The following GOSR2 variants were observed in gnomAD, a reference collection of about 807,000 sequenced individuals.
GOSR2 encodes golgi SNAP receptor complex member 2, also known as 27 kDa Golgi SNARE protein.
GOSR2 carries 20 observed loss-of-function variants against 27.9 expected under a neutral mutation model. That is an observed-to-expected ratio of 0.72 (90% confidence interval 0.50 to 1.04). The LOEUF (loss-of-function observed/expected upper bound fraction) is 1.04, where lower values mean the gene tolerates loss of function less well. Among genes scored for constraint, GOSR2 ranks in the 50% least tolerant of loss-of-function variants. GOSR2 has a pLI of 0.00. For missense variants in GOSR2, 261 were observed against 270.5 expected (o/e 0.97, Z 0.25); for synonymous variants, 91 against 98.8 (o/e 0.92, Z 0.47).
Position 46,941,154 on chromosome 17 carries a change from A to G in GOSR2, c.*2394A>G, listed in dbSNP as rs2089224887. Reference sequence around the variant, plus strand: ...AACTTGAGATCTCTTTATTACATGGACATTTACTTCAGGGGGACCACTGTA... The same window carrying G: ...AACTTGAGATCTCTTTATTACATGGGCATTTACTTCAGGGGGACCACTGTA... On this transcript the variant is annotated 3_prime_UTR_variant, in exon 6 of 6. Coordinates refer to ENST00000640051, the MANE Select transcript of GOSR2 (RefSeq NM_004287.5). 9.9e-7 allele frequency: 1 copy of G among 1,009,656 alleles called. No individual in the cohort carries two copies. The highest frequency in any genetic ancestry group is 1.2e-6 in the Non-Finnish European group (1 of 842,696). 62.5% of individuals were successfully genotyped at this position (1,009,656 alleles called of 1,614,324 possible).
chr17:46,933,037 T>C (rs2087645004), intron 4 of GOSR2: 4 of 152,302 alleles, frequency 2.6e-5, no homozygotes, highest in Admixed American at 2.6e-4. Context: ...TGTGCCAACA[T>C]AGTTTTTGCT....
In GOSR2 at chr17:46,941,113, G is replaced by A; in HGVS notation, c.*2353G>A. The A allele has an allele frequency of 2.0e-6, 2 of 1,022,244 alleles. No individual in the cohort carries two copies. The highest frequency in any genetic ancestry group is 1.2e-6 in the Non-Finnish European group (1 of 850,632). The allele number at this position is 1,022,244 out of a possible 1,614,324, so 63.3% of individuals were successfully genotyped here. A position where few individuals can be genotyped will look rare whatever the true frequency, so the allele number is the denominator to read the frequency against. On this transcript the variant is annotated 3_prime_UTR_variant, in exon 6 of 6. Transcript: ENST00000640051. ...GTGTGCCTATTGTGATTTAAAACAG[G>A]TGGGTTATCAAGAGGAACTTGAGAT...
intron 6 of GOSR2, among the ~76,000 whole-genome samples, chr17:46,957,864 C>T (rs2090820362): frequency 6.6e-6 from 1 of 152,152 alleles, no homozygotes; most frequent in Admixed American, 6.5e-5. Context: ...GGAGGATGAG[C>T]ACTCAGGGGA....
chr17:46,936,980 AG>A (rs996328195), intron 5 of GOSR2: 23 of 225,854 alleles, frequency 1.0e-4, no homozygotes, highest in African/African-American at 4.8e-4. Context: ...AAAAAAAAAA[AG>A]GATATGGGGC....
chr17:46,938,704 G>T lies in GOSR2; in HGVS notation c.583G>T (p.Gly195Cys). ...RAFQDKYFMIGGMLLTCVVMF... is the reference protein window; with the variant it reads ...RAFQDKYFMICGMLLTCVVMF... Reference sequence around the variant, plus strand: ...TTTCCAGGACAAGTACTTTATGATAGGTGGGATGCTGCTGACCTGTGTGGT... The same window carrying T: ...TTTCCAGGACAAGTACTTTATGATATGTGGGATGCTGCTGACCTGTGTGGT... The change falls in exon 6 of 6, where the codon GGT becomes TGT. Residue 195 changes from glycine (G) to cysteine (C), a missense_variant. Physicochemically the swap from Gly to Cys is radical, Grantham distance 159. Coordinates refer to ENST00000640051, the MANE Select transcript of GOSR2 (RefSeq NM_004287.5). 1 of 1,613,872 alleles carries T rather than the reference G, an allele frequency of 6.2e-7. No individual in the cohort carries two copies. The highest frequency in any genetic ancestry group is 1.1e-5 in the South Asian group (1 of 91,056).
downstream of GOSR2, among the ~76,000 whole-genome samples, chr17:46,942,439 C>A (rs548392356): frequency 3.9e-5 from 6 of 152,294 alleles, no homozygotes; most frequent in East Asian, 1.2e-3. Flanking sequence ...CACAGGAGTC[C>A]GAGAGGAGCT....
At chr17:46,957,121 T>C (rs1424550300) in intron 6 of GOSR2, among the ~76,000 whole-genome samples, 2 of 151,920 alleles carry the variant, frequency 1.3e-5, no homozygotes, top group Admixed American at 6.6e-5. Flanking sequence ...CCATCCTGGG[T>C]GACATGGTGA....
chr17:46,947,756 C>T (rs975622913), intron 6 of GOSR2, among the ~76,000 whole-genome samples: 2 of 152,262 alleles, frequency 1.3e-5, no homozygotes, highest in East Asian at 1.9e-4. Context: ...AGAGCTTGTC[C>T]GTCACTAGAA....
At chr17:46,965,026 T>A (rs983708338) in intron 6 of GOSR2, 1 of 151,908 alleles carries the variant, frequency 6.6e-6, no homozygotes, top group Non-Finnish European at 1.5e-5. Context: ...TTCACTGGAG[T>A]TTTTCACCCT....
At chr17:46,931,437 G>T in intron 3 of GOSR2, 1 of 556,528 alleles carries the variant, frequency 1.8e-6, no homozygotes, top group Non-Finnish European at 3.2e-6. Flanking sequence ...TTACCTCTTT[G>T]GTGTCATTTT....
chr17:46,963,543 CA>C (rs34316777), intron 6 of GOSR2, among the ~76,000 whole-genome samples: 50,959 of 137,336 alleles, frequency 0.37, 8,619 homozygotes, highest in East Asian at 0.52. Context: ...GGCTCGGTCT[CA>C]AAAAAAAAAA....
rs773543394 is a variant in GOSR2 at position 46,929,567 on chromosome 17, A to G, written c.77A>G (p.Asp26Gly). 2.6e-6 allele frequency: 4 copies of G among 1,539,108 alleles called. No individual in the cohort carries two copies. In the East Asian group the frequency reaches 9.0e-5, roughly 35 times the overall value. The change falls in exon 2 of 6, where the codon GAC (aspartate) becomes GGC (glycine). Residue 26 changes from aspartate (D) to glycine (G), a missense_variant. Transcript: ENST00000640051. ...TGCATGGGACGCCTGGAGACGGCAG[A>G]CAAGCAGTCTGTGCACAGTGAGTAA... is the stretch of plus-strand genomic sequence containing the variant. ...QSCMGRLETA[D>G]KQSVHIVENE...
At chr17:46,971,025 T>C (rs577848287), downstream of GOSR2, among the ~76,000 whole-genome samples, 11 of 152,338 alleles carry the variant, frequency 7.2e-5, no homozygotes, top group East Asian at 2.1e-3. Flanking sequence ...TTCTTTTTTT[T>C]GTTGCTATAA....
At chr17:46,936,354 C>T in intron 5 of GOSR2, 8 of 985,376 alleles carry the variant, frequency 8.1e-6, no homozygotes, top group Non-Finnish European at 9.6e-6. Context: ...ATGCTAACTT[C>T]CCACTCAAGT....
intron 1 of GOSR2, chr17:46,923,971 T>C (rs1250993618): frequency 1.3e-5 from 5 of 397,898 alleles, no homozygotes; most frequent in East Asian, 3.6e-5. Flanking sequence ...TTTTATTTTT[T>C]ATTGTAAAAT....
intron 6 of GOSR2, chr17:46,949,013 A>T (rs906764115): frequency 1.3e-5 from 2 of 152,216 alleles, no homozygotes; most frequent in African/African-American, 4.8e-5. Context: ...ACCCACCTGC[A>T]TTGTGATCCA....
At position 46,940,274 on chromosome 17, in the gene GOSR2, G is replaced by T; in HGVS notation, c.*1514G>T. ...CTTTCGGTTGGAGGAGATCTCCATT[G>T]TTCCTACCCCTCCGGGCCAAATGGG... On this transcript the variant is annotated 3_prime_UTR_variant, in exon 6 of 6. Transcript: ENST00000640051. The T allele has an allele frequency of 2.1e-6, 3 of 1,433,226 alleles. No individual in the cohort carries two copies. The highest frequency in any genetic ancestry group is 3.0e-5 in the South Asian group (2 of 66,668). The allele number at this position is 1,433,226 out of a possible 1,614,324, so 88.8% of individuals were successfully genotyped here.
At chr17:46,929,666 C>T (rs2087015034) in intron 2 of GOSR2, 82 bp downstream of exon 2, 1 of 777,584 alleles carries the variant, frequency 1.3e-6, no homozygotes, top group African/African-American at 1.7e-5. Flanking sequence ...TGCACTCTGC[C>T]TTGGGGGCTT....
At chr17:46,923,872 T>A (rs2086089884) in intron 1 of GOSR2, 1 of 398,436 alleles carries the variant, frequency 2.5e-6, no homozygotes, top group Non-Finnish European at 4.4e-6. Flanking sequence ...CGTAGTTGAG[T>A]ATTAATGGGG....
Sources: gnomAD v4.1 joint callset for allele counts (sites outside exome capture counted in the v4.1 genomes callset) on GRCh38, gnomAD v4.1.1 for gene constraint, MANE v1.5 for transcripts, NCBI Gene and HGNC (gene_info 2026-07-23, HGNC 2026-07-21) for gene names.